The following KLHL1 variants were observed in gnomAD, a reference collection of about 807,000 sequenced individuals.
The protein encoded by KLHL1 is kelch-like protein 1.
KLHL1 carries 47 observed loss-of-function variants against 77.7 expected under a neutral mutation model. The observed-to-expected ratio is 0.60, with a 90% CI of 0.48 to 0.77. The LOEUF (loss-of-function observed/expected upper bound fraction) is 0.77, where lower values mean the gene tolerates loss of function less well. KLHL1 is among the 30% of genes least tolerant of loss of function. The pLI, the probability that KLHL1 is intolerant of heterozygous loss-of-function variation, is 0.00. For synonymous variants in KLHL1, 360 were observed against 325.2 expected (o/e 1.11, Z -1.15); for missense variants, 925 against 910.8 (o/e 1.02, Z -0.20).
chr13:69,837,689 C>CACCT (rs1879080524), intron 6 of KLHL1, among the ~76,000 whole-genome samples: 1 of 118,560 alleles, frequency 8.4e-6, no homozygotes, highest in Non-Finnish European at 1.7e-5. Context: ...TATATATATA[C>CACCT]ACATATATAT....
chr13:70,050,749 A>G (rs528691806), intron 1 of KLHL1, among the ~76,000 whole-genome samples: 2 of 152,156 alleles, frequency 1.3e-5, no homozygotes, highest in Middle Eastern at 6.8e-3. Flanking sequence ...GTTACCTATC[A>G]TAACAAAAAT....
At chr13:70,105,274 C>T (rs956177653) in intron 1 of KLHL1, among the ~76,000 whole-genome samples, 5 of 151,766 alleles carry the variant, frequency 3.3e-5, no homozygotes, top group African/African-American at 1.2e-4. Context: ...GGTGTTTTTT[C>T]CCTAACTAAA....
chr13:69,875,240 A>C (rs985650620), intron 5 of KLHL1, among the ~76,000 whole-genome samples: 1 of 152,070 alleles, frequency 6.6e-6, no homozygotes, highest in African/African-American at 2.4e-5. Context: ...AAGTACATTT[A>C]ATAATTATAA....
At chr13:69,807,264 C>G (rs1877655292) in intron 6 of KLHL1, among the ~76,000 whole-genome samples, 1 of 152,040 alleles carries the variant, frequency 6.6e-6, no homozygotes, top group Admixed American at 6.6e-5. Context: ...CCTACCCTCT[C>G]CAGGCTCAAG....
chr13:69,912,783 CCA>C (rs992239056), intron 4 of KLHL1, among the ~76,000 whole-genome samples: 117 of 152,192 alleles, frequency 7.7e-4, no homozygotes, highest in African/African-American at 2.6e-3. Context: ...TAGCTATAAT[CCA>C]CTGTCACAGT....
At chr13:70,049,054 C>T (rs1445161952) in intron 1 of KLHL1, among the ~76,000 whole-genome samples, 1 of 152,108 alleles carries the variant, frequency 6.6e-6, no homozygotes, top group African/African-American at 2.4e-5. Context: ...ATTGAATGCA[C>T]TATCTTTAGT....
chr13:69,821,442 G>A (rs980621349), intron 6 of KLHL1, among the ~76,000 whole-genome samples: 2 of 152,016 alleles, frequency 1.3e-5, no homozygotes, highest in Non-Finnish European at 2.9e-5. Context: ...AGCCTCCCAA[G>A]TAGCTGGGAT....
chr13:69,897,072 C>G (rs1489789734), intron 4 of KLHL1, among the ~76,000 whole-genome samples: 1 of 152,080 alleles, frequency 6.6e-6, no homozygotes, highest in Admixed American at 6.6e-5. Flanking sequence ...GTGGTATTAT[C>G]TAGTCAACCG....
At chr13:69,883,692 T>C (rs1400960187) in intron 4 of KLHL1, among the ~76,000 whole-genome samples, 3 of 152,214 alleles carry the variant, frequency 2.0e-5, no homozygotes, top group Non-Finnish European at 2.9e-5. Context: ...AATACATGAA[T>C]TGATAATCTC....
At chr13:69,892,519 T>G (rs1305947450) in intron 4 of KLHL1, among the ~76,000 whole-genome samples, 1 of 152,176 alleles carries the variant, frequency 6.6e-6, no homozygotes, top group Non-Finnish European at 1.5e-5. Flanking sequence ...TCTACTTTGA[T>G]CTGTAAGAAG....
At chr13:69,892,980 A>T (rs1168357814) in intron 4 of KLHL1, among the ~76,000 whole-genome samples, 1 of 152,198 alleles carries the variant, frequency 6.6e-6, no homozygotes, top group East Asian at 1.9e-4. Flanking sequence ...TCTGGGATGA[A>T]TAATTTACTA....
chr13:69,885,231 C>G (rs977660077), intron 4 of KLHL1, among the ~76,000 whole-genome samples: 1 of 136,786 alleles, frequency 7.3e-6, no homozygotes, highest in South Asian at 2.1e-4. Flanking sequence ...TGAGCCACCG[C>G]GCCCGGCCCT....
chr13:69,838,528 T>G (rs542914805), intron 6 of KLHL1, among the ~76,000 whole-genome samples: 2 of 151,964 alleles, frequency 1.3e-5, no homozygotes, highest in African/African-American at 2.4e-5. Context: ...ACTTATAAAT[T>G]ATAACTTTCA....
chr13:70,021,905 A>G (rs1324897666), intron 1 of KLHL1, among the ~76,000 whole-genome samples: 1 of 151,878 alleles, frequency 6.6e-6, no homozygotes, highest in East Asian at 1.9e-4. Flanking sequence ...CCTTTATCTA[A>G]TATGTCTTTG....
intron 4 of KLHL1, among the ~76,000 whole-genome samples, chr13:69,921,142 C>T (rs1036242112): frequency 6.6e-6 from 1 of 152,104 alleles, no homozygotes; most frequent in Non-Finnish European, 1.5e-5. Context: ...ATTATAATAG[C>T]ATTTTCTTTA....
chr13:69,740,458 A>G lies in KLHL1; in HGVS notation c.1738T>C (p.Trp580Arg). 1 of 1,613,200 alleles carries G rather than the reference A, an allele frequency of 6.2e-7. No homozygotes were observed. The highest frequency in any genetic ancestry group is 1.1e-5 in the South Asian group (1 of 91,008). Reference protein sequence around the residue: ...VERWDPQSQQWTFVASMSIAR... With the variant: ...VERWDPQSQQRTFVASMSIAR... ...ATTGACATACTGGCTACAAATGTCCATTGTTGACTCTGTGGATCCCACCTT... is the reference window on the plus strand; with the variant it reads ...ATTGACATACTGGCTACAAATGTCCGTTGTTGACTCTGTGGATCCCACCTT... The change falls in exon 8 of 11, where the codon TGG becomes CGG. Residue 580 changes from tryptophan to arginine, a missense_variant. Transcript: ENST00000377844.
chr13:69,743,786 A>AG (rs1874084112), intron 7 of KLHL1, among the ~76,000 whole-genome samples: 1 of 95,440 alleles, frequency 1.0e-5, no homozygotes, highest in South Asian at 4.2e-4. Flanking sequence ...ATTTTGTCTC[A>AG]AAAAAAACAC....
chr13:69,920,955 A>G (rs567308241), intron 4 of KLHL1, among the ~76,000 whole-genome samples: 1 of 152,324 alleles, frequency 6.6e-6, no homozygotes, highest in East Asian at 1.9e-4. Context: ...TAACATATCC[A>G]TAAGGTCTGT....
At chr13:69,722,002 T>C (rs1329440517) in intron 8 of KLHL1, among the ~76,000 whole-genome samples, 2 of 152,108 alleles carry the variant, frequency 1.3e-5, no homozygotes, top group Non-Finnish European at 2.9e-5. Flanking sequence ...TTCATTTAAA[T>C]TGATGATTTA....
Sources: gnomAD v4.1 joint callset for allele counts (sites outside exome capture counted in the v4.1 genomes callset) on GRCh38, gnomAD v4.1.1 for gene constraint, MANE v1.5 for transcripts, NCBI Gene and HGNC (gene_info 2026-07-23, HGNC 2026-07-21) for gene names.